The following KIF13A variants were observed in gnomAD, a reference collection of about 807,000 sequenced individuals.
The protein encoded by KIF13A is kinesin family member 13A.
In KIF13A, 79 loss-of-function variants were observed where a neutral mutation model predicts 212.2. That is an observed-to-expected ratio of 0.37 (90% CI 0.31 to 0.45). KIF13A has a LOEUF of 0.45. KIF13A is among the 20% of genes least tolerant of loss of function. KIF13A has a pLI of 1.00. For missense variants in KIF13A, 1,901 were observed against 2,209.0 expected (o/e 0.86, Z 2.79); for synonymous variants, 789 against 808.6 (o/e 0.98, Z 0.41).
intron 12 of KIF13A, 100 bp downstream of exon 12, chr6:17,833,855 CAAAAAA>C (rs11358140): frequency 1.1e-4 from 39 of 362,478 alleles, no homozygotes; most frequent in Non-Finnish European, 1.2e-4. Flanking sequence ...GACTCCGTCT[CAAAAAA>C]AAAAAAAAAA....
intron 2 of KIF13A, among the ~76,000 whole-genome samples, chr6:17,966,714 T>C (rs551487031): frequency 4.6e-5 from 7 of 152,318 alleles, no homozygotes; most frequent in Admixed American, 2.0e-4. Flanking sequence ...ATTGTTTTTA[T>C]TGTTAACATC....
intron 2 of KIF13A, among the ~76,000 whole-genome samples, chr6:17,985,426 C>A (rs1214634703): frequency 6.6e-6 from 1 of 152,136 alleles, no homozygotes. Flanking sequence ...TGTTTCTCTT[C>A]ACAAATGACA....
intron 38 of KIF13A, among the ~76,000 whole-genome samples, chr6:17,765,838 A>G (rs1758896982): frequency 6.6e-6 from 1 of 152,246 alleles, no homozygotes; most frequent in Admixed American, 6.5e-5. Flanking sequence ...TCTCAGAAGC[A>G]CCTAATGAAA....
At chr6:17,928,156 T>C (rs1249545558) in intron 2 of KIF13A, among the ~76,000 whole-genome samples, 7 of 152,344 alleles carry the variant, frequency 4.6e-5, no homozygotes, top group Non-Finnish European at 1.0e-4. Context: ...GTGAAGCTAG[T>C]CACCTGGGCC....
Position 17,780,783 on chromosome 6 carries a change from C to T in KIF13A, c.3793G>A (p.Ala1265Thr), listed in dbSNP as rs2150307050. 1 of 1,614,026 alleles carries T rather than the reference C, an allele frequency of 6.2e-7. No individual in the cohort carries two copies. The highest frequency in any genetic ancestry group is 2.2e-5 in the East Asian group (1 of 44,878). ...CGTTTTCGTAATACTAACTCCATAGCAGCAGGGTGGCTGAGTTGAACTGTG... is the reference window on the plus strand; with the variant it reads ...CGTTTTCGTAATACTAACTCCATAGTAGCAGGGTGGCTGAGTTGAACTGTG... ...KTTVQLSHPAAMELVLRKRIA... is the reference protein window; with the variant it reads ...KTTVQLSHPATMELVLRKRIA... The change falls in exon 31 of 39, where the codon GCT (alanine) becomes ACT (threonine). Residue 1265 changes from alanine (A) to threonine (T), a missense_variant. Coordinates refer to ENST00000259711, the MANE Select transcript of KIF13A (RefSeq NM_022113.6).
Position 17,912,526 on chromosome 6 carries a change from T to C in KIF13A, c.147-14346A>G, listed in dbSNP as rs1774166033. Among the ~76,000 whole-genome samples the C allele has an allele frequency of 6.6e-6, 1 of 152,250 alleles. No homozygotes were observed. The highest frequency in any genetic ancestry group is 6.5e-5 in the Admixed American group (1 of 15,290). The stretch of plus-strand genomic sequence containing the variant: ...CAACTGTTCTCACCCTAAGCACTTA[T>C]TAGCATATAGACAATGCTTATTAAA... On this transcript the variant is annotated intron_variant, in intron 2 of 38. Transcript: ENST00000259711. This position sits in a 1 kb window ranked among gnomAD's most constrained non-coding sequence, Gnocchi z 4.2.
At chr6:17,966,228 G>A (rs1004329599) in intron 2 of KIF13A, among the ~76,000 whole-genome samples, 2 of 152,048 alleles carry the variant, frequency 1.3e-5, no homozygotes, top group African/African-American at 2.4e-5. Context: ...AATGAAAATT[G>A]TCAAAGTCAA....
chr6:17,804,556 CAT>C (rs1762767858), intron 19 of KIF13A, 46 bp from the exon 20 acceptor site: 1 of 1,452,920 alleles, frequency 6.9e-7, no homozygotes, highest in African/African-American at 1.4e-5. Flanking sequence ...AGAAACATAA[CAT>C]CAATTTAAAT....
chr6:17,922,922 C>A (rs1422853929), intron 2 of KIF13A, among the ~76,000 whole-genome samples: 2 of 151,898 alleles, frequency 1.3e-5, no homozygotes, highest in Admixed American at 1.3e-4. Flanking sequence ...CCACACCCAG[C>A]CTGCACATAT....
Position 17,987,222 on chromosome 6 carries a change from C to CG in KIF13A, c.56-79dup. On this transcript the variant is annotated intron_variant, in intron 1 of 38. Coordinates refer to ENST00000259711, the MANE Select transcript of KIF13A (RefSeq NM_022113.6). This position sits in a 1 kb window ranked among gnomAD's most constrained non-coding sequence, Gnocchi z 7.7. ...CCGCCCGCCCGCCAGCCGCGCCGAGCGGGGCTCCGTCCCTGGAGGCGGCCG... is the reference window on the plus strand; with the variant it reads ...CCGCCCGCCCGCCAGCCGCGCCGAGCGGGGGCTCCGTCCCTGGAGGCGGCCG... 7.7e-7 allele frequency: 1 copy of CG among 1,290,438 alleles called. No individual in the cohort carries two copies. The highest frequency in any genetic ancestry group is 1.4e-5 in the South Asian group (1 of 72,648). The allele number at this position is 1,290,438 out of a possible 1,614,324, so 79.9% of individuals were successfully genotyped here.
intron 2 of KIF13A, among the ~76,000 whole-genome samples, chr6:17,942,256 C>T (rs995167610): frequency 6.6e-6 from 1 of 151,756 alleles, no homozygotes; most frequent in African/African-American, 2.4e-5. Flanking sequence ...GAACCATGAT[C>T]ATGCCACTGC....
intron 2 of KIF13A, among the ~76,000 whole-genome samples, chr6:17,948,327 T>G (rs1777578459): frequency 6.6e-6 from 1 of 152,160 alleles, no homozygotes; most frequent in Non-Finnish European, 1.5e-5. Flanking sequence ...TGGTGGCACT[T>G]TGGGAGAAGA....
chr6:17,903,459 A>G (rs1773225727), intron 2 of KIF13A, among the ~76,000 whole-genome samples: 1 of 152,238 alleles, frequency 6.6e-6, no homozygotes, highest in Non-Finnish European at 1.5e-5. Flanking sequence ...GTATTGACAT[A>G]GTATGGCTAG....
chr6:17,775,781 G>A (rs1759910732), intron 34 of KIF13A, among the ~76,000 whole-genome samples: 1 of 151,798 alleles, frequency 6.6e-6, no homozygotes, highest in Non-Finnish European at 1.5e-5. Flanking sequence ...CAAATTCCTG[G>A]CCTCAAGCAA....
chr6:17,822,843 T>C (rs1764583939), intron 16 of KIF13A, among the ~76,000 whole-genome samples: 1 of 152,244 alleles, frequency 6.6e-6, no homozygotes, highest in Non-Finnish European at 1.5e-5. Flanking sequence ...GAAATGTCTC[T>C]GGGATTCCTC....
Position 17,856,202 on chromosome 6 carries a change from T to C in KIF13A, c.221-80A>G, listed in dbSNP as rs139352777. On this transcript the variant is annotated intron_variant, in intron 4 of 38. Transcript: ENST00000259711. The surrounding 1 kb of genome is among the most constrained non-coding windows in gnomAD (Gnocchi z 4.5). ...TATTTGTGTTAGTAACAATATTATGTCAATTCAAAAAAATGTTAAAAGTGT... is the reference window on the plus strand; with the variant it reads ...TATTTGTGTTAGTAACAATATTATGCCAATTCAAAAAAATGTTAAAAGTGT... 1.8e-3 allele frequency: 1,731 copies of C among 986,246 alleles called. 15 individuals carry two copies. The African/African-American group carries it at 0.024, about 13-fold the overall frequency. 61.1% of individuals were successfully genotyped at this position (986,246 alleles called of 1,614,324 possible). A position where few individuals can be genotyped will look rare whatever the true frequency, so the allele number is the denominator to read the frequency against.
In KIF13A at chr6:17,897,040, C is replaced by G. The variant is rs1481662777; in HGVS notation, c.159+1128G>C. On this transcript the variant is annotated intron_variant, in intron 3 of 38. Coordinates refer to ENST00000259711, the MANE Select transcript of KIF13A (RefSeq NM_022113.6). The surrounding 1 kb of genome is among the most constrained non-coding windows in gnomAD (Gnocchi z 4.8). ...TTTGTCCAGAATGCCACTGCCAATA[C>G]TTTTCTAATATATTATATATTTCCT... 6.6e-6 allele frequency among the ~76,000 whole-genome samples: 1 copy of G among 152,160 alleles called. No individual in the cohort carries two copies. The highest frequency in any genetic ancestry group is 2.4e-5 in the African/African-American group (1 of 41,426).
intron 2 of KIF13A, among the ~76,000 whole-genome samples, chr6:17,954,115 C>T (rs1219059232): frequency 2.0e-5 from 3 of 151,910 alleles, no homozygotes; most frequent in Non-Finnish European, 2.9e-5. Flanking sequence ...CTGGCTATCA[C>T]GGTGAAACCC....
At position 17,895,677 on chromosome 6, in the gene KIF13A, G is replaced by A. The variant is rs1772495102; in HGVS notation, c.159+2491C>T. The stretch of plus-strand genomic sequence containing the variant: ...AGCCCCACAAAGCAGTCAGCAATAT[G>A]CATTTGCTCTGTCTTTAAGCCGCTC... On this transcript the variant is annotated intron_variant, in intron 3 of 38. Transcript: ENST00000259711. The surrounding 1 kb of genome is among the most constrained non-coding windows in gnomAD (Gnocchi z 4.4). Among the ~76,000 whole-genome samples, 1 of 152,210 alleles carries A rather than the reference G, an allele frequency of 6.6e-6. No homozygotes were observed. Among genetic ancestry groups the A allele is most frequent in the Non-Finnish European group, 1.5e-5 (1 of 68,038 alleles).
Sources: allele counts gnomAD v4.1 joint callset (sites outside exome capture counted in the v4.1 genomes callset), GRCh38; gene constraint gnomAD v4.1.1; non-coding constraint Gnocchi (gnomAD v3.1); transcripts MANE v1.5; gene names NCBI Gene and HGNC (gene_info 2026-07-23, HGNC 2026-07-21).